Variants in DGKB observed in about 807,000 individuals in gnomAD.
The protein encoded by DGKB is 90 kDa diacylglycerol kinase.
DGKB carries 67 observed loss-of-function variants against 114.3 expected under a neutral mutation model. The observed-to-expected ratio is 0.59, with a 90% CI of 0.48 to 0.72. DGKB has a LOEUF of 0.72. Among genes scored for constraint, DGKB ranks in the 30% least tolerant of loss-of-function variants. The pLI, the probability that DGKB is intolerant of heterozygous loss-of-function variation, is 0.00. For missense variants in DGKB, 907 were observed against 975.2 expected, an observed-to-expected ratio of 0.93 and a Z score of 0.93; for synonymous variants, 398 against 323.1, an observed-to-expected ratio of 1.23 and a Z score of -2.49.
At chr7:14,303,602 T>C (rs999411897) in intron 23 of DGKB, among the ~76,000 whole-genome samples, 4 of 152,134 alleles carry the variant, frequency 2.6e-5, no homozygotes. Context: ...CTTGATCTAG[T>C]TGCACTGTGC....
rs76007447 is a variant in DGKB at position 14,514,762 on chromosome 7, A to T, written c.1771-36537T>A. 5.3e-3 allele frequency among the ~76,000 whole-genome samples: 807 copies of T among 152,216 alleles called. 5 individuals are homozygous for T. Among genetic ancestry groups the T allele is most frequent in the Middle Eastern group, 0.017 (5 of 294 alleles). On this transcript the variant is annotated intron_variant, in intron 20 of 25. Coordinates refer to ENST00000402815, the MANE Select transcript of DGKB (RefSeq NM_001350709.2). Reference sequence around the variant, plus strand: ...AAAGATGCCATTAGTGTCCCATTTTAAAAAAAGGAGGCCAGGTACAGTGGC... The same window carrying T: ...AAAGATGCCATTAGTGTCCCATTTTTAAAAAAGGAGGCCAGGTACAGTGGC...
chr7:14,209,684 T>C (rs991149982), intron 23 of DGKB: 7 of 314,026 alleles, frequency 2.2e-5, no homozygotes, highest in Non-Finnish European at 3.8e-5. Context: ...ACTTAAATAG[T>C]CTATCTTCCC....
At chr7:14,491,024 G>A (rs1784522640) in intron 20 of DGKB, among the ~76,000 whole-genome samples, 1 of 151,692 alleles carries the variant, frequency 6.6e-6, no homozygotes, top group African/African-American at 2.4e-5. Flanking sequence ...TGAGTTTAAG[G>A]GGCTTTCTAG....
intron 23 of DGKB, among the ~76,000 whole-genome samples, chr7:14,243,974 T>C (rs1794039917): frequency 6.6e-6 from 1 of 152,208 alleles, no homozygotes; most frequent in South Asian, 2.1e-4. Context: ...AAATCTAAAT[T>C]TCTCTTATTG....
chr7:14,785,812 A>C (rs140342237), intron 2 of DGKB, among the ~76,000 whole-genome samples: 1 of 152,100 alleles, frequency 6.6e-6, no homozygotes, highest in Non-Finnish European at 1.5e-5. Flanking sequence ...TTTATTTTAC[A>C]CTCCACAATA....
At chr7:14,241,297 A>G (rs1793605759) in intron 23 of DGKB, among the ~76,000 whole-genome samples, 1 of 152,074 alleles carries the variant, frequency 6.6e-6, no homozygotes, top group Admixed American at 6.6e-5. Context: ...CCCACCTAAA[A>G]TTTTTACCTT....
chr7:14,587,456 T>C (rs1800968846), intron 17 of DGKB, among the ~76,000 whole-genome samples: 1 of 152,100 alleles, frequency 6.6e-6, no homozygotes, highest in African/African-American at 2.4e-5. Flanking sequence ...ACTGTCGAAA[T>C]GGTAACAAAG....
chr7:14,478,804 A>G (rs1782576419), intron 20 of DGKB, among the ~76,000 whole-genome samples: 1 of 46,516 alleles, frequency 2.1e-5, no homozygotes, highest in South Asian at 8.8e-4. Flanking sequence ...CGTTGAATAG[A>G]AAAAAAAAAC....
At chr7:14,184,371 G>T (rs887595987) in intron 23 of DGKB, among the ~76,000 whole-genome samples, 1 of 152,172 alleles carries the variant, frequency 6.6e-6, no homozygotes, top group Admixed American at 6.5e-5. Context: ...TTCTTTCGCA[G>T]TTGGGAGGTG....
intron 12 of DGKB, among the ~76,000 whole-genome samples, chr7:14,679,874 C>T (rs1036825398): frequency 1.3e-5 from 2 of 151,878 alleles, no homozygotes; most frequent in East Asian, 3.9e-4. Context: ...CCTGTTTAAC[C>T]AAGGCACAAA....
chr7:14,693,798 A>G (rs1823330789), intron 9 of DGKB, among the ~76,000 whole-genome samples: 1 of 152,078 alleles, frequency 6.6e-6, no homozygotes, highest in African/African-American at 2.4e-5. Context: ...TCAGTAACTT[A>G]AAAACACTAG....
intron 21 of DGKB, among the ~76,000 whole-genome samples, chr7:14,422,114 T>C (rs1826808418): frequency 6.6e-6 from 1 of 152,054 alleles, no homozygotes; most frequent in Non-Finnish European, 1.5e-5. Flanking sequence ...ATCAATTTGC[T>C]GAATCATATT....
intron 21 of DGKB, among the ~76,000 whole-genome samples, chr7:14,400,620 A>G (rs1822953256): frequency 6.6e-6 from 1 of 151,710 alleles, no homozygotes; most frequent in Admixed American, 6.6e-5. Flanking sequence ...AATGGAGATC[A>G]AAACATTACC....
chr7:14,744,730 C>G (rs922482394), intron 4 of DGKB, among the ~76,000 whole-genome samples: 25 of 152,182 alleles, frequency 1.6e-4, no homozygotes, highest in African/African-American at 5.8e-4. Flanking sequence ...CAACTCAGTC[C>G]TATCATGAAT....
At chr7:14,703,884 G>T (rs1381273013) in intron 6 of DGKB, among the ~76,000 whole-genome samples, 1 of 152,140 alleles carries the variant, frequency 6.6e-6, no homozygotes, top group African/African-American at 2.4e-5. Flanking sequence ...CCCAAGGATA[G>T]TGTGTACTTA....
intron 20 of DGKB, among the ~76,000 whole-genome samples, chr7:14,512,253 A>G (rs1788092303): frequency 6.6e-6 from 1 of 152,202 alleles, no homozygotes; most frequent in Non-Finnish European, 1.5e-5. Context: ...GCAAAACATG[A>G]AACACAATCA....
chr7:14,359,354 C>G (rs1815241136), intron 21 of DGKB, among the ~76,000 whole-genome samples: 1 of 152,040 alleles, frequency 6.6e-6, no homozygotes, highest in Non-Finnish European at 1.5e-5. Context: ...AGACCTGAAA[C>G]CATAAAAACC....
At chr7:14,209,818 G>A (rs2128302344) in intron 23 of DGKB, among the ~76,000 whole-genome samples, 1 of 151,492 alleles carries the variant, frequency 6.6e-6, no homozygotes, top group East Asian at 2.0e-4. Context: ...GGGGGCTCTG[G>A]TATTGTTATT....
At chr7:14,662,756 A>C (rs1216550511) in intron 13 of DGKB, among the ~76,000 whole-genome samples, 1 of 151,890 alleles carries the variant, frequency 6.6e-6, no homozygotes, top group Non-Finnish European at 1.5e-5. Context: ...GGTGAAAAAA[A>C]AACCTAAAAA....
Sources: gnomAD v4.1 joint callset for allele counts (sites outside exome capture counted in the v4.1 genomes callset) on GRCh38, gnomAD v4.1.1 for gene constraint, MANE v1.5 for transcripts, NCBI Gene and HGNC (gene_info 2026-07-23, HGNC 2026-07-21) for gene names.